GRAMD1B: variants seen among roughly 807,000 people sequenced by gnomAD.
The protein encoded by GRAMD1B is protein Aster-B.
A neutral mutation model predicts 99.7 loss-of-function variants in GRAMD1B; 37 were observed. The observed-to-expected ratio is 0.37, with a 90% CI of 0.29 to 0.49. GRAMD1B has a LOEUF of 0.49. Among genes scored for constraint, GRAMD1B ranks in the 20% least tolerant of loss-of-function variants. The pLI, the probability that GRAMD1B is intolerant of heterozygous loss-of-function variation, is 0.98. For missense variants in GRAMD1B, 888 were observed against 1,009.2 expected (o/e 0.88, Z 1.63); for synonymous variants, 427 against 387.6 (o/e 1.10, Z -1.19).
intron 2 of GRAMD1B, among the ~76,000 whole-genome samples, chr11:123,526,802 G>A (rs939364021): frequency 3.3e-5 from 5 of 152,182 alleles, no homozygotes; most frequent in African/African-American, 7.2e-5. Context: ...GGCATCTCTC[G>A]CTTGGGGTGT....
intron 1 of GRAMD1B, among the ~76,000 whole-genome samples, chr11:123,469,796 C>CTTCCTTCCT (rs2134647041): frequency 7.1e-6 from 1 of 141,326 alleles, no homozygotes; most frequent in Non-Finnish European, 1.5e-5. Context: ...TCCTTCCTTC[C>CTTCCTTCCT]TTCCTTCCTT....
At chr11:123,457,134 A>AAAGAAAGAAAGG (rs1555124313) in intron 1 of GRAMD1B, among the ~76,000 whole-genome samples, 3 of 147,604 alleles carry the variant, frequency 2.0e-5, no homozygotes, top group Non-Finnish European at 3.0e-5. Flanking sequence ...AGAAAGAAAG[A>AAAGAAAGAAAGG]AAGAATTAGA....
At chr11:123,397,686 T>C (rs1438037896) in intron 1 of GRAMD1B, among the ~76,000 whole-genome samples, 1 of 152,058 alleles carries the variant, frequency 6.6e-6, no homozygotes, top group Non-Finnish European at 1.5e-5. Context: ...ATTTTTTGTT[T>C]TTTGTAGAGA....
intron 1 of GRAMD1B, among the ~76,000 whole-genome samples, chr11:123,419,023 G>A (rs765315155): frequency 1.1e-4 from 16 of 152,220 alleles, no homozygotes; most frequent in Non-Finnish European, 2.1e-4. Context: ...GGGAAATGAT[G>A]CATTGGAAAG....
At position 123,449,714 on chromosome 11, in the gene GRAMD1B, C is replaced by CTTTTTTTT. The variant is rs767104181; in HGVS notation, c.374+18558_374+18565dup. On this transcript the variant is annotated intron_variant, in intron 1 of 19. Transcript: ENST00000635736. ...TGCAGATGCATGCCACCATGCCTGG[C>CTTTTTTTT]TTTTTTTTTTTTTTTTTGAGACAGG... 2.6e-4 allele frequency among the ~76,000 whole-genome samples: 26 copies of CTTTTTTTT among 99,952 alleles called. 2 individuals carry two copies. Among genetic ancestry groups the CTTTTTTTT allele is most frequent in the South Asian group, 6.2e-4 (2 of 3,240 alleles). 65.6% of individuals were successfully genotyped at this position (99,952 alleles called of 152,430 possible).
intron 1 of GRAMD1B, among the ~76,000 whole-genome samples, chr11:123,402,125 C>T (rs1425633185): frequency 6.6e-6 from 1 of 152,204 alleles, no homozygotes; most frequent in Non-Finnish European, 1.5e-5. Flanking sequence ...AAGCGATTCT[C>T]CTGCCTCAGC....
chr11:123,526,582 C>G (rs1029734695), intron 2 of GRAMD1B, among the ~76,000 whole-genome samples: 2 of 152,102 alleles, frequency 1.3e-5, no homozygotes, highest in African/African-American at 2.4e-5. Context: ...CTGACCAACA[C>G]GTGATTTTGA....
chr11:123,371,735 G>C (rs1946536023), intron 1 of GRAMD1B, among the ~76,000 whole-genome samples: 1 of 152,220 alleles, frequency 6.6e-6, no homozygotes, highest in Admixed American at 6.5e-5. Flanking sequence ...GTCATGCAGG[G>C]AAGAGCACCA....
intron 1 of GRAMD1B, among the ~76,000 whole-genome samples, chr11:123,408,230 T>A (rs1400917289): frequency 6.6e-6 from 1 of 152,202 alleles, no homozygotes; most frequent in African/African-American, 2.4e-5. Flanking sequence ...TCAGAAAAGG[T>A]CAGGACTCTA....
chr11:123,374,125 C>T (rs1946618795), intron 1 of GRAMD1B, among the ~76,000 whole-genome samples: 1 of 152,122 alleles, frequency 6.6e-6, no homozygotes, highest in Non-Finnish European at 1.5e-5. Context: ...TAACTGCTTC[C>T]AAAATGTTAT....
rs12099111 is a variant in GRAMD1B at position 123,392,997 on chromosome 11, T to G, written c.-176+34198T>G. On this transcript the variant is annotated intron_variant, in intron 1 of 20. Transcript: ENST00000638157. The stretch of plus-strand genomic sequence containing the variant: ...TCTTCAGTTCAGTCATTGATAAGAT[T>G]GTTGAACAGGATGAGGCCAGACACT... Among the ~76,000 whole-genome samples, 968 of 152,348 alleles carry G rather than the reference T, an allele frequency of 6.4e-3. 14 individuals are homozygous for G. The highest frequency in any genetic ancestry group is 0.022 in the African/African-American group (930 of 41,580).
chr11:123,494,142 A>G (rs1938932537), intron 2 of GRAMD1B, among the ~76,000 whole-genome samples: 1 of 152,206 alleles, frequency 6.6e-6, no homozygotes, highest in Admixed American at 6.5e-5. Context: ...CTGGCACATA[A>G]TCATACTTAA....
At chr11:123,387,360 C>T (rs1382422019) in intron 1 of GRAMD1B, among the ~76,000 whole-genome samples, 1 of 152,124 alleles carries the variant, frequency 6.6e-6, no homozygotes, top group Non-Finnish European at 1.5e-5. Context: ...TGTTTGCTGA[C>T]ACACAGGCCT....
chr11:123,478,775 C>A (rs1951433695), intron 1 of GRAMD1B, among the ~76,000 whole-genome samples: 1 of 152,160 alleles, frequency 6.6e-6, no homozygotes, highest in Admixed American at 6.5e-5. Context: ...TTTGAAGAGG[C>A]TGCAATGCTG....
chr11:123,613,098 T>C, intron 15 of GRAMD1B: 1 of 565,516 alleles, frequency 1.8e-6, no homozygotes, highest in Non-Finnish European at 3.1e-6. Flanking sequence ...GAGGGATCTA[T>C]AAAACACCCC....
intron 2 of GRAMD1B, among the ~76,000 whole-genome samples, chr11:123,506,597 C>G (rs1940455447): frequency 6.6e-6 from 1 of 152,130 alleles, no homozygotes; most frequent in Admixed American, 6.5e-5. Flanking sequence ...GGGAGCTTCT[C>G]TGGTCTCTAG....
At chr11:123,448,041 A>AG (rs1949716767) in intron 1 of GRAMD1B, among the ~76,000 whole-genome samples, 1 of 151,572 alleles carries the variant, frequency 6.6e-6, no homozygotes, top group African/African-American at 2.4e-5. Context: ...TTTAAAAAAA[A>AG]AGAGAGAGAG....
At chr11:123,567,786 A>G (rs1241415566) in intron 2 of GRAMD1B, among the ~76,000 whole-genome samples, 3 of 152,238 alleles carry the variant, frequency 2.0e-5, no homozygotes, top group Non-Finnish European at 4.4e-5. Context: ...CCTGAGCAGG[A>G]AAGGCAAACA....
chr11:123,470,363 A>G (rs1950951128), intron 1 of GRAMD1B, among the ~76,000 whole-genome samples: 1 of 152,108 alleles, frequency 6.6e-6, no homozygotes, highest in Non-Finnish European at 1.5e-5. Flanking sequence ...TCTTTTATTT[A>G]TTTTAAAAAT....
Sources: gnomAD v4.1 joint callset for allele counts (sites outside exome capture counted in the v4.1 genomes callset) on GRCh38, gnomAD v4.1.1 for gene constraint, MANE v1.5 for transcripts, NCBI Gene and HGNC (gene_info 2026-07-23, HGNC 2026-07-21) for gene names.